Variants in ESRRG observed in about 807,000 individuals in gnomAD.
The protein encoded by ESRRG is estrogen-related receptor gamma.
Under a neutral mutation model 44.0 loss-of-function variants are expected in ESRRG, and 13 were observed. That is an observed-to-expected ratio of 0.30 (90% CI 0.19 to 0.47). ESRRG has a LOEUF of 0.47. ESRRG is among the 20% of genes least tolerant of loss of function. The pLI, the probability that ESRRG is intolerant of heterozygous loss-of-function variation, is 1.00. For synonymous variants in ESRRG, 215 were observed against 214.6 expected, an observed-to-expected ratio of 1.00 and a Z score of -0.02; for missense variants, 395 against 580.6, an observed-to-expected ratio of 0.68 and a Z score of 3.29.
At chr1:216,829,586 AC>A (rs1226581724) in intron 2 of ESRRG, among the ~76,000 whole-genome samples, 97 of 143,484 alleles carry the variant, frequency 6.8e-4, no homozygotes, top group African/African-American at 2.5e-3. Context: ...ATGGAGTCTC[AC>A]TCTGTTGCCC....
At chr1:217,133,806 G>C (rs2093008585) in intron 1 of ESRRG, among the ~76,000 whole-genome samples, 1 of 151,886 alleles carries the variant, frequency 6.6e-6, no homozygotes, top group Admixed American at 6.6e-5. Context: ...AAGATCAACA[G>C]CTAAGATAAA....
chr1:216,688,640 C>T lies in ESRRG; in HGVS notation c.57-11149G>A, dbSNP rs1055445884. Among the ~76,000 whole-genome samples, 14 of 152,032 alleles carry T rather than the reference C, an allele frequency of 9.2e-5. No homozygotes were observed. The South Asian group carries it at 1.0e-3, about 11-fold the overall frequency. ...AGGCTCTCTTCCATTAAAATGTATT[C>T]CTGGTAAGGGGATTTGTTTTCAGCC... On this transcript the variant is annotated intron_variant, in intron 1 of 6. Transcript: ENST00000408911.
intron 2 of ESRRG, among the ~76,000 whole-genome samples, chr1:216,915,701 C>T (rs773635325): frequency 3.3e-5 from 5 of 152,122 alleles, no homozygotes; most frequent in African/African-American, 7.2e-5. Flanking sequence ...GACAGTCTCC[C>T]GAGGAAGACT....
intron 6 of ESRRG, among the ~76,000 whole-genome samples, chr1:216,514,599 T>C (rs1165013499): frequency 1.3e-5 from 2 of 152,116 alleles, no homozygotes; most frequent in Non-Finnish European, 2.9e-5. Flanking sequence ...GATGTGAAAT[T>C]GTAATGGGTA....
chr1:216,588,028 A>G (rs553087947), intron 3 of ESRRG, among the ~76,000 whole-genome samples: 54 of 152,224 alleles, frequency 3.5e-4, no homozygotes, highest in African/African-American at 1.3e-3. Context: ...GTAAATATAA[A>G]ATGTATCACA....
intron 2 of ESRRG, among the ~76,000 whole-genome samples, chr1:216,877,763 G>A (rs2096380783): frequency 6.6e-6 from 1 of 152,078 alleles, no homozygotes; most frequent in African/African-American, 2.4e-5. Context: ...ATTGTGTTGT[G>A]TAATCCATTA....
chr1:216,892,276 C>T (rs574804556), intron 2 of ESRRG, among the ~76,000 whole-genome samples: 7 of 152,084 alleles, frequency 4.6e-5, no homozygotes, highest in Non-Finnish European at 1.0e-4. Context: ...ACTTTAGGGG[C>T]AAATATATCA....
At chr1:216,716,997 T>C (rs914404800) in intron 1 of ESRRG, among the ~76,000 whole-genome samples, 68 of 151,880 alleles carry the variant, frequency 4.5e-4, no homozygotes, top group Non-Finnish European at 8.9e-5. Flanking sequence ...TAAGTTACCT[T>C]CCAAGTATAC....
chr1:216,550,614 C>T (rs1159205418), intron 5 of ESRRG, among the ~76,000 whole-genome samples: 2 of 152,076 alleles, frequency 1.3e-5, no homozygotes, highest in African/African-American at 4.8e-5. Context: ...GGAGCCCACA[C>T]CTCTGAACTG....
chr1:216,817,952 G>T (rs1250505432), intron 2 of ESRRG, among the ~76,000 whole-genome samples: 2 of 151,814 alleles, frequency 1.3e-5, no homozygotes, highest in Non-Finnish European at 2.9e-5. Context: ...TGCATATGAG[G>T]TCTGACTGTA....
At chr1:217,127,081 G>A (rs952774682) in intron 1 of ESRRG, among the ~76,000 whole-genome samples, 5 of 152,040 alleles carry the variant, frequency 3.3e-5, no homozygotes, top group African/African-American at 7.3e-5. Context: ...CTATACTCAC[G>A]GTATATTGAT....
chr1:216,634,997 GCTCT>G (rs985466473), intron 3 of ESRRG, among the ~76,000 whole-genome samples: 3 of 147,908 alleles, frequency 2.0e-5, no homozygotes, highest in Non-Finnish European at 4.5e-5. Flanking sequence ...TTTTTTCTTT[GCTCT>G]CTCTCTCTCT....
intron 1 of ESRRG, among the ~76,000 whole-genome samples, chr1:217,087,389 G>A (rs1415184579): frequency 5.9e-5 from 9 of 152,140 alleles, no homozygotes; most frequent in Admixed American, 5.2e-4. Flanking sequence ...ATACTGTTGC[G>A]GTAATAAGTG....
rs562560055 is a variant in ESRRG, at chr1:217,070,296, A to G, written c.-106+19211T>C. ...TTTAAAATAAAAATCATCAAATAGT[A>G]TTAAACTCCTAGTATTCTAATATAG... On this transcript the variant is annotated intron_variant, in intron 1 of 7. Coordinates refer to the ESRRG transcript ENST00000359162. Among the ~76,000 whole-genome samples the G allele has an allele frequency of 4.6e-5, 7 of 152,382 alleles. No homozygotes were observed. In the South Asian group the frequency reaches 1.4e-3, roughly 32 times the overall value.
intron 1 of ESRRG, among the ~76,000 whole-genome samples, chr1:216,974,673 C>T (rs1360733679): frequency 6.6e-6 from 1 of 152,076 alleles, no homozygotes; most frequent in Admixed American, 6.6e-5. Flanking sequence ...TATTTCTGCT[C>T]TGCTGTTTCT....
At chr1:216,737,163 T>A (rs1204924365) in intron 2 of ESRRG, among the ~76,000 whole-genome samples, 1 of 152,208 alleles carries the variant, frequency 6.6e-6, no homozygotes, top group Non-Finnish European at 1.5e-5. Context: ...GTTCTTTCTC[T>A]GGCTAGTATA....
intron 2 of ESRRG, among the ~76,000 whole-genome samples, chr1:216,930,331 C>T (rs1202214230): frequency 6.6e-6 from 1 of 152,150 alleles, no homozygotes; most frequent in East Asian, 1.9e-4. Flanking sequence ...CTTTGCCCTC[C>T]CCCATGAATA....
intron 2 of ESRRG, among the ~76,000 whole-genome samples, chr1:216,802,225 G>A (rs2094644617): frequency 6.6e-6 from 1 of 152,028 alleles, no homozygotes; most frequent in South Asian, 2.1e-4. Context: ...GCCATATGGA[G>A]GCCAAGCAAG....
chr1:216,596,212 G>C (rs2058414639), intron 3 of ESRRG, among the ~76,000 whole-genome samples: 1 of 152,160 alleles, frequency 6.6e-6, no homozygotes, highest in Non-Finnish European at 1.5e-5. Flanking sequence ...ACTGCCCAAA[G>C]TAATAAAGAC....
Sources: gnomAD v4.1 joint callset for allele counts (sites outside exome capture counted in the v4.1 genomes callset) on GRCh38, gnomAD v4.1.1 for gene constraint, MANE v1.5 for transcripts, NCBI Gene and HGNC (gene_info 2026-07-23, HGNC 2026-07-21) for gene names.